Variants in SEC31A observed in about 807,000 individuals in gnomAD.
SEC31A encodes the protein protein transport protein Sec31A.
A neutral mutation model predicts 151.0 loss-of-function variants in SEC31A; 70 were observed. The observed-to-expected ratio is 0.46, with a 90% CI of 0.38 to 0.57. The LOEUF is 0.57. Ranked by LOEUF, SEC31A falls within the 20% of genes least tolerant of loss-of-function variation. The pLI is 0.00. For synonymous variants in SEC31A, 475 were observed against 505.9 expected (o/e 0.94, Z 0.82); for missense variants, 1,330 against 1,471.2 (o/e 0.90, Z 1.57).
upstream of SEC31A, chr4:82,891,392 C>T (rs1719740688): frequency 3.4e-6 from 2 of 594,202 alleles, no homozygotes; most frequent in Non-Finnish European, 6.0e-6. Context: ...AAACCCTTTT[C>T]TGAGGGGCGG....
At position 82,864,395 on chromosome 4, in the gene SEC31A, A is replaced by G; in HGVS notation, c.1401T>C (p.Thr467=). 6.2e-7 allele frequency: 1 copy of G among 1,614,016 alleles called. No homozygotes were observed. The highest frequency in any genetic ancestry group is 1.1e-5 in the South Asian group (1 of 91,064). Residue 467 remains threonine (T), a synonymous_variant, in exon 11 of 27, where the codon ACT becomes ACC. Coordinates refer to ENST00000395310, the MANE Select transcript of SEC31A (RefSeq NM_001077207.4). The part of the protein sequence containing the change: ...YCQKKIDASQ[T]EFEKNVWSFL... ...AGGACCACACATTTTTCTCAAATTC[A>G]GTCTGAGAAGCATCAATTTTTTTTT...
intron 18 of SEC31A, among the ~76,000 whole-genome samples, chr4:82,852,461 T>C (rs1731662330): frequency 6.6e-6 from 1 of 152,218 alleles, no homozygotes; most frequent in South Asian, 2.1e-4. Flanking sequence ...TGGGGAGCTA[T>C]GCTTCTGGTA....
intron 22 of SEC31A, among the ~76,000 whole-genome samples, chr4:82,834,427 C>A: frequency 6.6e-6 from 1 of 152,018 alleles, no homozygotes; most frequent in East Asian, 1.9e-4. Flanking sequence ...ATTAGCAGCA[C>A]AAAAAAGTCT....
Position 82,842,188 on chromosome 4 carries a change from T to C in SEC31A, c.2920A>G (p.Thr974Ala), listed in dbSNP as rs373960389. 117 of 1,596,678 alleles carry C rather than the reference T, an allele frequency of 7.3e-5. 1 individual carries two copies. The Middle Eastern group carries it at 1.2e-3, about 16-fold the overall frequency. ...TCACTGGCAGCAGGCAGTGTACCTGTTGTTCCAGGAGGCAGTGCATAAGCT... is the reference window on the plus strand; with the variant it reads ...TCACTGGCAGCAGGCAGTGTACCTGCTGTTCCAGGAGGCAGTGCATAAGCT... Reference protein sequence around the residue: ...SSAYALPPGTTGTLPAASELP... With the variant: ...SSAYALPPGTAGTLPAASELP... The change falls in exon 22 of 27, where the codon ACA (threonine) becomes GCA (alanine). Residue 974 changes from threonine (T) to alanine (A), a missense_variant. Coordinates refer to ENST00000395310, the MANE Select transcript of SEC31A (RefSeq NM_001077207.4).
In SEC31A at chr4:82,828,324, T is replaced by C. The variant is rs139941830; in HGVS notation, c.3027+676A>G. 3.3e-5 allele frequency among the ~76,000 whole-genome samples: 5 copies of C among 152,338 alleles called. No individual in the cohort carries two copies. The East Asian group carries it at 9.6e-4, about 29-fold the overall frequency. On this transcript the variant is annotated intron_variant, in intron 23 of 26. Coordinates refer to ENST00000395310, the MANE Select transcript of SEC31A (RefSeq NM_001077207.4). Reference sequence around the variant, plus strand: ...ATATGATCAGAATGTAATACCTAAGTAGACATTATTTGGCAATTCTATCAC... The same window carrying C: ...ATATGATCAGAATGTAATACCTAAGCAGACATTATTTGGCAATTCTATCAC...
intron 14 of SEC31A, among the ~76,000 whole-genome samples, chr4:82,859,152 CCATAA>C (rs1578265830): frequency 6.6e-6 from 1 of 151,298 alleles, no homozygotes; most frequent in African/African-American, 2.4e-5. Context: ...CACATGGTAC[CCATAA>C]CATAAAAGTA....
At chr4:82,876,759 CATATACTG>C (rs959210107) in intron 4 of SEC31A, among the ~76,000 whole-genome samples, 1 of 152,208 alleles carries the variant, frequency 6.6e-6, no homozygotes, top group Non-Finnish European at 1.5e-5. Flanking sequence ...TAATGGGCTT[CATATACTG>C]ACCTTCATCC....
At chr4:82,863,428 C>A (rs1386840824) in intron 11 of SEC31A, 36 bp from the exon 12 acceptor site, 4 of 1,367,660 alleles carry the variant, frequency 2.9e-6, no homozygotes, top group African/African-American at 3.0e-5. Flanking sequence ...AAACAAAGAC[C>A]TACATTTAAA....
chr4:82,871,721 C>G (rs1476648034), intron 7 of SEC31A: 6 of 559,920 alleles, frequency 1.1e-5, no homozygotes, highest in Non-Finnish European at 1.8e-5. Flanking sequence ...CGCCTGTAAT[C>G]CCAGCTACTC....
intron 20 of SEC31A, among the ~76,000 whole-genome samples, chr4:82,844,884 A>C (rs927828471): frequency 1.3e-5 from 2 of 152,244 alleles, no homozygotes; most frequent in Non-Finnish European, 2.9e-5. Context: ...CAATTTCTGC[A>C]ATGCTAAAAA....
intron 18 of SEC31A, 133 bp downstream of exon 18, chr4:82,853,437 A>G: frequency 1.4e-6 from 1 of 732,548 alleles, no homozygotes; most frequent in Non-Finnish European, 2.1e-6. Context: ...AGATAGCAAT[A>G]AATGCATATA....
intron 18 of SEC31A, among the ~76,000 whole-genome samples, chr4:82,852,587 T>G (rs992770839): frequency 1.2e-5 from 1 of 80,864 alleles, no homozygotes; most frequent in African/African-American, 7.9e-5. Flanking sequence ...TTCCTACCCA[T>G]TTTTTTTGTT....
chr4:82,875,337 CT>C (rs1737665989), intron 5 of SEC31A, among the ~76,000 whole-genome samples: 1 of 152,142 alleles, frequency 6.6e-6, no homozygotes, highest in Admixed American at 6.5e-5. Flanking sequence ...TATTTTAAAC[CT>C]TGTCTTCCAT....
At position 82,864,241 on chromosome 4, in the gene SEC31A, G is replaced by C. The variant is rs1734811692; in HGVS notation, c.1434+121C>G. Reference sequence around the variant, plus strand: ...TCTTTATAAGGCTTCTTAATTTCATGATGAATTGCTGAAATCACACTTTTT... The same window carrying C: ...TCTTTATAAGGCTTCTTAATTTCATCATGAATTGCTGAAATCACACTTTTT... On this transcript the variant is annotated intron_variant, in intron 11 of 26. Coordinates refer to ENST00000395310, the MANE Select transcript of SEC31A (RefSeq NM_001077207.4). 1.8e-5 allele frequency: 13 copies of C among 717,474 alleles called. No homozygotes were observed. The South Asian group carries it at 2.3e-4, about 13-fold the overall frequency. 44.4% of individuals were successfully genotyped at this position (717,474 alleles called of 1,614,324 possible).
At position 82,857,757 on chromosome 4, in the gene SEC31A, T is replaced by A; in HGVS notation, c.1634A>T (p.Lys545Ile). Residue 545 changes from lysine to isoleucine, a missense_variant, in exon 15 of 27, where the codon AAA becomes ATA. Physicochemically the swap from Lys to Ile is moderately radical, Grantham distance 102 (BLOSUM62 -3). Transcript: ENST00000395310. ...AAATTCAGATTCTTCTTTTTCCTCTTTAATGTGCTAAAGAGATGAAAAAAG... is the reference window on the plus strand; with the variant it reads ...AAATTCAGATTCTTCTTTTTCCTCTATAATGTGCTAAAGAGATGAAAAAAG... Reference protein sequence around the residue: ...AEEQLLGEHIKEEKEESEFLP... With the variant: ...AEEQLLGEHIIEEKEESEFLP... The A allele has an allele frequency of 6.3e-7, 1 of 1,595,054 alleles. No homozygotes were observed. The highest frequency in any genetic ancestry group is 8.6e-7 in the Non-Finnish European group (1 of 1,163,422).
At chr4:82,846,934 C>T (rs971654139) in intron 20 of SEC31A, among the ~76,000 whole-genome samples, 4 of 152,126 alleles carry the variant, frequency 2.6e-5, no homozygotes, top group Admixed American at 6.5e-5. Flanking sequence ...AGGCTGGTCT[C>T]GAACTCCTGA....
intron 15 of SEC31A, among the ~76,000 whole-genome samples, 192 bp downstream of exon 15, chr4:82,857,497 C>T (rs973738817): frequency 5.3e-5 from 8 of 151,976 alleles, no homozygotes; most frequent in Admixed American, 1.3e-4. Context: ...TTTGAGACAG[C>T]GTTTCACTAT....
chr4:82,835,591 T>C (rs1727020834), intron 22 of SEC31A, among the ~76,000 whole-genome samples: 1 of 151,946 alleles, frequency 6.6e-6, no homozygotes, highest in Non-Finnish European at 1.5e-5. Context: ...AGGTCAGGAG[T>C]TCGAGACTAG....
intron 22 of SEC31A, among the ~76,000 whole-genome samples, chr4:82,841,443 TA>T (rs1728754263): frequency 3.5e-4 from 3 of 8,470 alleles, no homozygotes; most frequent in Admixed American, 2.1e-3. Context: ...AAAAAAATTT[TA>T]TATATATATA....
Sources: allele counts gnomAD v4.1 joint callset (sites outside exome capture counted in the v4.1 genomes callset), GRCh38; gene constraint gnomAD v4.1.1; transcripts MANE v1.5; gene names NCBI Gene and HGNC (gene_info 2026-07-23, HGNC 2026-07-21).